MTCL1: variants seen among roughly 807,000 people sequenced by gnomAD.
The protein encoded by MTCL1 is microtubule crosslinking factor 1, also known as microtubule cross-linking factor 1.
In MTCL1, 79 loss-of-function variants were observed where a neutral mutation model predicts 141.4. The ratio of observed to expected loss-of-function variants is 0.56; its 90% CI spans 0.47 to 0.67. The LOEUF is 0.67. MTCL1 is among the 30% of genes least tolerant of loss of function. MTCL1 has a pLI of 0.00. For missense variants in MTCL1, 2,177 were observed against 2,113.9 expected, an observed-to-expected ratio of 1.03 and a Z score of -0.59; for synonymous variants, 914 against 875.8, an observed-to-expected ratio of 1.04 and a Z score of -0.77.
chr18:8,829,288 G>A (rs2077123567), intron 16 of MTCL1: 1 of 985,462 alleles, frequency 1.0e-6, no homozygotes, highest in Non-Finnish European at 1.2e-6. Flanking sequence ...GGACATCCTA[G>A]GCACAGGGGT....
chr18:8,767,839 A>G (rs1158601516), intron 4 of MTCL1, among the ~76,000 whole-genome samples: 1 of 152,214 alleles, frequency 6.6e-6, no homozygotes, highest in African/African-American at 2.4e-5. Context: ...CCATAATTCT[A>G]TTCCCCATTG....
chr18:8,720,369 A>G, exon 4 of MTCL1: 1 of 1,614,238 alleles, frequency 6.2e-7, no homozygotes, highest in Non-Finnish European at 8.5e-7. Flanking sequence ...AGATTGCACC[A>G]CGAACTTAAG....
chr18:8,716,568 C>CTTTTTTTTTTTTTTTTTTTTTTTT (rs1567928941), upstream of MTCL1, among the ~76,000 whole-genome samples: 1 of 108,892 alleles, frequency 9.2e-6, no homozygotes, highest in African/African-American at 3.4e-5. Context: ...TCTTTTTGTT[C>CTTTTTTTTTTTTTTTTTTTTTTTT]ATTTTTTTTT....
At chr18:8,787,781 A>G (rs924237854) in intron 7 of MTCL1, among the ~76,000 whole-genome samples, 1 of 152,232 alleles carries the variant, frequency 6.6e-6, no homozygotes, top group African/African-American at 2.4e-5. Context: ...AGAAAACTCA[A>G]TTATGCTGCA....
chr18:8,792,631 C>T (rs1455089579), intron 7 of MTCL1, among the ~76,000 whole-genome samples: 1 of 152,236 alleles, frequency 6.6e-6, no homozygotes, highest in Non-Finnish European at 1.5e-5. Context: ...ATGCTTGCCT[C>T]GGTCATAGTC....
At chr18:8,808,684 C>T (rs2076382403) in intron 11 of MTCL1, among the ~76,000 whole-genome samples, 2 of 152,216 alleles carry the variant, frequency 1.3e-5, no homozygotes, top group African/African-American at 4.8e-5. Context: ...CTACAAGTTA[C>T]CTTCTTTCAG....
intron 4 of MTCL1, among the ~76,000 whole-genome samples, chr18:8,754,363 G>A (rs1235245296): frequency 6.6e-6 from 1 of 152,168 alleles, no homozygotes; most frequent in Admixed American, 6.5e-5. Context: ...GAGCCACCGC[G>A]CCTGGCCTCT....
chr18:8,825,965 A>G (rs1158114416), exon 15 of MTCL1: 2 of 1,597,930 alleles, frequency 1.3e-6, no homozygotes, highest in African/African-American at 2.7e-5. Flanking sequence ...GCCAGGAAAC[A>G]GGCACCAATT....
intron 1 of MTCL1, among the ~76,000 whole-genome samples, chr18:8,709,367 A>T (rs1297275475): frequency 6.6e-6 from 1 of 151,782 alleles, no homozygotes; most frequent in Non-Finnish European, 1.5e-5. Flanking sequence ...TAATTTTTAA[A>T]TTTTTTTATA....
At position 8,705,896 on chromosome 18, in the gene MTCL1, A is replaced by C; in HGVS notation, c.236A>C (p.Asn79Thr). The stretch of plus-strand genomic sequence containing the variant: ...GCTCCCGCCGCCCCGCGCTCGCCCA[A>C]CCTCGCGGGCAAAGCGCCGCCCTCG... The change falls in exon 1 of 14, where the codon AAC becomes ACC. Residue 79 changes from asparagine to threonine, a missense_variant. Transcript: ENST00000306329. This position sits in a 1 kb window ranked among gnomAD's most constrained non-coding sequence, Gnocchi z 5.2. The C allele has an allele frequency of 9.1e-7, 1 of 1,104,958 alleles. No individual in the cohort carries two copies. The highest frequency in any genetic ancestry group is 1.1e-6 in the Non-Finnish European group (1 of 907,658). 68.4% of individuals were successfully genotyped at this position (1,104,958 alleles called of 1,614,324 possible).
rs988360831 is a variant in MTCL1 at position 8,822,585 on chromosome 18, C to T, written c.3188+1087C>T. On this transcript the variant is annotated intron_variant, in intron 14 of 16. Coordinates refer to ENST00000359865, the Ensembl canonical transcript of MTCL1. This position sits in a 1 kb window ranked among gnomAD's most constrained non-coding sequence, Gnocchi z 4.6. ...GGATTACAGGCGTGAGCCACTGTGC[C>T]CAGCCCAAACTGCCTGGGTTTGAAT... Among the ~76,000 whole-genome samples, 20 of 151,858 alleles carry T rather than the reference C, an allele frequency of 1.3e-4. No individual in the cohort carries two copies. The highest frequency in any genetic ancestry group is 3.9e-4 in the African/African-American group (16 of 41,334).
intron 4 of MTCL1, among the ~76,000 whole-genome samples, chr18:8,770,845 T>A (rs149001470): frequency 6.6e-6 from 1 of 152,182 alleles, no homozygotes; most frequent in Non-Finnish European, 1.5e-5. Flanking sequence ...TTTGTTTTTT[T>A]GGGTCCTGTT....
chr18:8,726,494 A>AGAGAGC (rs1290919629), intron 4 of MTCL1, among the ~76,000 whole-genome samples: 1 of 128,346 alleles, frequency 7.8e-6, no homozygotes, highest in Non-Finnish European at 1.8e-5. Flanking sequence ...AGAGAGAGAG[A>AGAGAGC]GCGCGCGCGC....
intron 9 of MTCL1, among the ~76,000 whole-genome samples, chr18:8,797,671 C>G (rs1371008161): frequency 6.6e-6 from 1 of 152,218 alleles, no homozygotes; most frequent in Non-Finnish European, 1.5e-5. Context: ...TACAGTGATT[C>G]TCTTTCCTCA....
chr18:8,796,819 C>G (rs2075940792), intron 9 of MTCL1, among the ~76,000 whole-genome samples: 1 of 152,210 alleles, frequency 6.6e-6, no homozygotes, highest in Non-Finnish European at 1.5e-5. Context: ...GCATGATGTT[C>G]ATGAGTGAGG....
chr18:8,762,899 G>A (rs1022919769), intron 4 of MTCL1, among the ~76,000 whole-genome samples: 4 of 152,184 alleles, frequency 2.6e-5, no homozygotes, highest in Non-Finnish European at 4.4e-5. Flanking sequence ...GGGAAGCAGC[G>A]TCTGCACCCA....
At chr18:8,825,273 C>A (rs115783507) in exon 15 of MTCL1, 4 of 1,569,242 alleles carry the variant, frequency 2.5e-6, no homozygotes, top group African/African-American at 1.4e-5. Context: ...GGGGGCACGG[C>A]GCCCCCTTGA....
At chr18:8,768,789 CTTTTTTTTTT>C (rs773958752) in intron 4 of MTCL1, among the ~76,000 whole-genome samples, 9 of 117,898 alleles carry the variant, frequency 7.6e-5, no homozygotes, top group South Asian at 2.7e-4. Flanking sequence ...CTTTTCTTCT[CTTTTTTTTTT>C]TTTTTTTTTT....
intron 8 of MTCL1, among the ~76,000 whole-genome samples, 194 bp downstream of exon 7, chr18:8,793,314 C>T (rs1013006194): frequency 7.2e-5 from 11 of 151,814 alleles, no homozygotes; most frequent in Admixed American, 6.6e-4. Flanking sequence ...CTTTTCTGCT[C>T]TGGCACATGC....
Sources: allele counts gnomAD v4.1 joint callset (sites outside exome capture counted in the v4.1 genomes callset), GRCh38; gene constraint gnomAD v4.1.1; non-coding constraint Gnocchi (gnomAD v3.1); transcripts MANE v1.5; gene names NCBI Gene and HGNC (gene_info 2026-07-23, HGNC 2026-07-21).